The following TSPEAR variants were observed in gnomAD, a reference collection of about 807,000 sequenced individuals.
TSPEAR encodes thrombospondin type laminin G domain and EAR repeats.
In TSPEAR, 69 loss-of-function variants were observed where a neutral mutation model predicts 71.6. The ratio of observed to expected loss-of-function variants is 0.96; its 90% CI spans 0.79 to 1.18. The LOEUF (loss-of-function observed/expected upper bound fraction) is 1.18. Among genes scored for constraint, TSPEAR ranks in the 50% most tolerant of loss-of-function variants. The pLI, the probability that TSPEAR is intolerant of heterozygous loss-of-function variation, is 0.00. For synonymous variants in TSPEAR, 402 were observed against 387.2 expected, an observed-to-expected ratio of 1.04 and a Z score of -0.45; for missense variants, 971 against 894.9, an observed-to-expected ratio of 1.09 and a Z score of -1.09.
At chr21:44,667,196 T>C (rs1426278779) in intron 1 of TSPEAR, among the ~76,000 whole-genome samples, 2 of 152,230 alleles carry the variant, frequency 1.3e-5, no homozygotes, top group African/African-American at 4.8e-5. Flanking sequence ...TTACCTGAGT[T>C]ACTTTTGTGA....
intron 8 of TSPEAR, among the ~76,000 whole-genome samples, chr21:44,524,895 T>C (rs973364530): frequency 2.0e-5 from 3 of 150,896 alleles, no homozygotes; most frequent in South Asian, 4.2e-4. Flanking sequence ...AGTCAGGTAA[T>C]CAGTCAGTCA....
At chr21:44,675,435 A>G (rs1354471891) in intron 1 of TSPEAR, among the ~76,000 whole-genome samples, 3 of 152,194 alleles carry the variant, frequency 2.0e-5, no homozygotes, top group African/African-American at 7.2e-5. Flanking sequence ...CAAAATAATA[A>G]AGGCCATGTA....
chr21:44,668,325 C>T (rs1425171280), intron 1 of TSPEAR, among the ~76,000 whole-genome samples: 1 of 152,074 alleles, frequency 6.6e-6, no homozygotes, highest in Non-Finnish European at 1.5e-5. Flanking sequence ...GAACAAAATA[C>T]TCAGGAGTTA....
intron 1 of TSPEAR, chr21:44,690,448 A>G: frequency 1.4e-6 from 1 of 714,232 alleles, no homozygotes; most frequent in Non-Finnish European, 1.7e-6. Flanking sequence ...CTTCCAGAAA[A>G]TCAAACAAAC....
intron 1 of TSPEAR, among the ~76,000 whole-genome samples, chr21:44,685,321 G>A (rs1371640729): frequency 8.4e-4 from 128 of 151,972 alleles, no homozygotes; most frequent in Admixed American, 2.2e-3. Context: ...CCAATCCATC[G>A]AGAGAACAGA....
chr21:44,561,010 T>G (rs1197364445), intron 2 of TSPEAR, among the ~76,000 whole-genome samples: 1 of 151,782 alleles, frequency 6.6e-6, no homozygotes, highest in Non-Finnish European at 1.5e-5. Flanking sequence ...GATAGAGACA[T>G]GAAAAACCCT....
At chr21:44,511,356 CTG>C (rs1555912664) in intron 9 of TSPEAR, among the ~76,000 whole-genome samples, 12 of 151,454 alleles carry the variant, frequency 7.9e-5, no homozygotes, top group African/African-American at 2.9e-4. Context: ...TGCATATGCA[CTG>C]TGTACACACA....
chr21:44,612,059 C>T lies in TSPEAR; in HGVS notation c.83-44054G>A. ...AGCAGCCAGGGCACACAAACCCACA[C>T]ACCTCACACCAGCACTCACACCACC... On this transcript the variant is annotated intron_variant, in intron 1 of 11. Coordinates refer to ENST00000323084, the MANE Select transcript of TSPEAR (RefSeq NM_144991.3). This position sits in a 1 kb window ranked among gnomAD's most constrained non-coding sequence, Gnocchi z 4.1. 3 of 1,586,102 alleles carry T rather than the reference C, an allele frequency of 1.9e-6. No homozygotes were observed. Among genetic ancestry groups the T allele is most frequent in the East Asian group, 2.2e-5 (1 of 44,454 alleles).
chr21:44,704,063 C>T (rs1053307192), intron 1 of TSPEAR, among the ~76,000 whole-genome samples: 2 of 152,214 alleles, frequency 1.3e-5, no homozygotes, highest in African/African-American at 4.8e-5. Flanking sequence ...GGCAGATGCC[C>T]TCAATTGGGC....
intron 1 of TSPEAR, among the ~76,000 whole-genome samples, chr21:44,704,176 C>T (rs1314096866): frequency 5.3e-5 from 8 of 152,126 alleles, no homozygotes; most frequent in African/African-American, 1.4e-4. Context: ...AGACTGGATC[C>T]TACCATCCTC....
intron 1 of TSPEAR, among the ~76,000 whole-genome samples, chr21:44,658,521 G>A (rs1005056870): frequency 9.9e-5 from 15 of 152,162 alleles, no homozygotes; most frequent in South Asian, 2.1e-4. Flanking sequence ...CAAATAAATC[G>A]GCTGTCCCTA....
rs201705737 is a variant in TSPEAR at position 44,627,724 on chromosome 21, C to T, written c.83-59719G>A. The stretch of plus-strand genomic sequence containing the variant: ...CCCCTGCCAGCAGTCCTACTGTGTG[C>T]CTGTCTGCTGTAAGCCTGTCTGCTG... On this transcript the variant is annotated intron_variant, in intron 1 of 11. Coordinates refer to ENST00000323084, the MANE Select transcript of TSPEAR (RefSeq NM_144991.3). 46 of 1,594,472 alleles carry T rather than the reference C, an allele frequency of 2.9e-5. No homozygotes were observed. The Admixed American group carries it at 5.6e-4, about 19-fold the overall frequency.
chr21:44,544,406 G>A (rs1471701318), intron 2 of TSPEAR, among the ~76,000 whole-genome samples: 1 of 152,150 alleles, frequency 6.6e-6, no homozygotes, highest in African/African-American at 2.4e-5. Context: ...TGTATTGATG[G>A]TGTTGGTGGA....
intron 1 of TSPEAR, chr21:44,579,814 G>T: frequency 1.2e-6 from 2 of 1,610,042 alleles, no homozygotes; most frequent in Non-Finnish European, 1.7e-6. Flanking sequence ...ACACGCAGGA[G>T]GCCGGGCGGC....
intron 1 of TSPEAR, chr21:44,677,412 G>T: frequency 1.9e-6 from 2 of 1,054,858 alleles, no homozygotes; most frequent in Non-Finnish European, 3.0e-6. Flanking sequence ...AGCTGCAATC[G>T]CCTGCAGAGT....
chr21:44,523,704 G>A (rs1485170617), intron 8 of TSPEAR, among the ~76,000 whole-genome samples: 2 of 150,714 alleles, frequency 1.3e-5, no homozygotes, highest in Non-Finnish European at 3.0e-5. Context: ...TAGGCAGGTA[G>A]TTAGTCATCA....
intron 1 of TSPEAR, among the ~76,000 whole-genome samples, chr21:44,706,477 G>A (rs568707214): frequency 5.5e-4 from 40 of 73,030 alleles, no homozygotes; most frequent in African/African-American, 1.1e-3. Context: ...ACACACCCAC[G>A]CGTACACACC....
chr21:44,527,484 C>T lies in TSPEAR; in HGVS notation c.957G>A (p.Gln319=), dbSNP rs1322756653. The change falls in exon 7 of 12, where the codon CAG becomes CAA. Residue 319 remains glutamine (Q), a synonymous_variant. Transcript: ENST00000323084. The part of the protein sequence containing the change: ...KERLDYVEEH[Q]NLSTNSETLG... ...GGGTCTCTGAGTTGGTGGACAAGTT[C>T]TGATGCTCCTCCACGTAGTCCAGTC... 25 of 1,614,120 alleles carry T rather than the reference C, an allele frequency of 1.5e-5. No individual in the cohort carries two copies. Among genetic ancestry groups the T allele is most frequent in the Non-Finnish European group, 2.1e-5 (25 of 1,180,056 alleles).
chr21:44,679,300 G>C (rs1159441604), intron 1 of TSPEAR, among the ~76,000 whole-genome samples: 1 of 152,114 alleles, frequency 6.6e-6, no homozygotes, highest in Non-Finnish European at 1.5e-5. Context: ...ATTCACAATA[G>C]CTATTTTAAA....
Sources: gnomAD v4.1 joint callset for allele counts (sites outside exome capture counted in the v4.1 genomes callset) on GRCh38, gnomAD v4.1.1 for gene constraint, Gnocchi (gnomAD v3.1) non-coding constraint, MANE v1.5 for transcripts, NCBI Gene and HGNC (gene_info 2026-07-23, HGNC 2026-07-21) for gene names.